ZNF761: variants seen among roughly 807,000 people sequenced by gnomAD.
The protein encoded by ZNF761 is zinc finger protein 761.
Under a neutral mutation model 59.9 loss-of-function variants are expected in ZNF761, and 43 were observed. That is an observed-to-expected ratio of 0.72 (90% CI 0.56 to 0.92). ZNF761 has a LOEUF of 0.92. ZNF761 is among the 40% of genes least tolerant of loss of function. ZNF761 has a pLI of 0.00. For missense variants in ZNF761, 850 were observed against 906.1 expected (o/e 0.94, Z 0.79); for synonymous variants, 294 against 304.8 (o/e 0.96, Z 0.37).
chr19:53,435,709 G>A (rs931069789), intron 1 of ZNF761, among the ~76,000 whole-genome samples: 9 of 151,996 alleles, frequency 5.9e-5, no homozygotes, highest in African/African-American at 2.2e-4. Flanking sequence ...TGTACAGTGG[G>A]GACACATTTC....
chr19:53,456,968 C>T lies in ZNF761; in HGVS notation c.*220C>T. ...TCAAACCGTGAAAGACAGGAGAATT[C>T]ATACTGGAGAGAAACCATAAAAATG... On this transcript the variant is annotated 3_prime_UTR_variant, in exon 5 of 5. Coordinates refer to ENST00000684525, the MANE Select transcript of ZNF761 (RefSeq NM_001289951.2). 1.4e-6 allele frequency: 1 copy of T among 739,080 alleles called. No individual in the cohort carries two copies. Among genetic ancestry groups the T allele is most frequent in the Non-Finnish European group, 2.3e-6 (1 of 431,236 alleles). The allele number at this position is 739,080 out of a possible 1,614,324, so 45.8% of individuals were successfully genotyped here. A position where few individuals can be genotyped will look rare whatever the true frequency, so the allele number is the denominator to read the frequency against.
At chr19:53,439,811 G>C (rs879766068) in intron 1 of ZNF761, among the ~76,000 whole-genome samples, 1 of 152,118 alleles carries the variant, frequency 6.6e-6, no homozygotes, top group Non-Finnish European at 1.5e-5. Context: ...TTATAGAGCC[G>C]TTCTAAATGC....
rs558021920 is a variant in ZNF761 at position 53,446,048 on chromosome 19, T to A, written c.-184-179T>A. Among the ~76,000 whole-genome samples the A allele has an allele frequency of 2.0e-5, 3 of 152,274 alleles. No individual in the cohort carries two copies. The East Asian group carries it at 5.8e-4, about 29-fold the overall frequency. ...TTGCTGTCCCTGCTCTTACCCTATG[T>A]CCCTAAATGATCACGGCCCTGTGCC... On this transcript the variant is annotated intron_variant, in intron 1 of 4. Coordinates refer to ENST00000684525, the MANE Select transcript of ZNF761 (RefSeq NM_001289951.2).
In ZNF761 at chr19:53,449,545, T is replaced by A; in HGVS notation, c.49T>A (p.Phe17Ile). ...LLTFRDVAIE[F>I]SQEEWKCLDP... is the part of the protein sequence containing the mutation. ...GACATTCAGGGATGTGGCCATAGAA[T>A]TCTCTCAGGAGGAGTGGAAATGCCT... The change falls in exon 4 of 5, where the codon TTC becomes ATC. Residue 17 changes from phenylalanine (F) to isoleucine (I), a missense_variant. Transcript: ENST00000684525. The A allele has an allele frequency of 6.2e-7, 1 of 1,613,766 alleles. No homozygotes were observed. Among genetic ancestry groups the A allele is most frequent in the Non-Finnish European group, 8.5e-7 (1 of 1,179,918 alleles).
Position 53,454,729 on chromosome 19 carries a change from G to T in ZNF761, c.222G>T (p.Leu74Phe). 1 of 1,614,088 alleles carries T rather than the reference G, an allele frequency of 6.2e-7. No individual in the cohort carries two copies. Residue 74 changes from leucine (L) to phenylalanine (F), a missense_variant, in exon 5 of 5, where the codon TTG (leucine) becomes TTT (phenylalanine). Leu to Phe is a conservative substitution (Grantham distance 22). Transcript: ENST00000684525. Reference sequence around the variant, plus strand: ...GAGAAGTGTTCCATGCAGGGACATTGCAAATACATGAAAGTCATCACAATG... The same window carrying T: ...GAGAAGTGTTCCATGCAGGGACATTTCAAATACATGAAAGTCATCACAATG... The part of the protein sequence containing the change: ...GNREVFHAGT[L>F]QIHESHHNGD...
chr19:53,452,155 T>A (rs2147140579), intron 4 of ZNF761, among the ~76,000 whole-genome samples: 1 of 152,150 alleles, frequency 6.6e-6, no homozygotes, highest in East Asian at 1.9e-4. Flanking sequence ...TTGAGACCAG[T>A]CTGGCCAACA....
chr19:53,448,158 C>G (rs1331732779), intron 3 of ZNF761, among the ~76,000 whole-genome samples: 4 of 151,996 alleles, frequency 2.6e-5, no homozygotes, highest in Non-Finnish European at 5.9e-5. Flanking sequence ...TGCGTCACCA[C>G]GCCCAGCTAA....
intron 1 of ZNF761, among the ~76,000 whole-genome samples, chr19:53,440,777 A>G (rs2086090968): frequency 6.6e-6 from 1 of 152,136 alleles, no homozygotes; most frequent in Non-Finnish European, 1.5e-5. Context: ...CTGGGCTCAA[A>G]CCATCCTCCT....
Position 53,454,659 on chromosome 19 carries a change from C to G in ZNF761, c.152C>G (p.Ser51Cys), listed in dbSNP as rs2086247802. ...YRNLVSLDIS[S>C]KCTMKEFLST... ...TGTTTATGTTTTGTAGATATCTCTTCCAAATGCACGATGAAGGAGTTCTTG... is the reference window on the plus strand; with the variant it reads ...TGTTTATGTTTTGTAGATATCTCTTGCAAATGCACGATGAAGGAGTTCTTG... Residue 51 changes from serine (S) to cysteine (C), a missense_variant, in exon 5 of 5, where the codon TCC becomes TGC. Ser to Cys is a moderately radical substitution (Grantham distance 112). Coordinates refer to ENST00000684525, the MANE Select transcript of ZNF761 (RefSeq NM_001289951.2). The G allele has an allele frequency of 6.3e-7, 1 of 1,592,444 alleles. No homozygotes were observed. Among genetic ancestry groups the G allele is most frequent in the East Asian group, 2.2e-5 (1 of 44,596 alleles).
chr19:53,447,431 C>A (rs1461183714), intron 3 of ZNF761, 148 bp downstream of exon 3: 3 of 1,216,220 alleles, frequency 2.5e-6, no homozygotes, highest in African/African-American at 1.5e-5. Context: ...CCTCTTATCT[C>A]GCTTAGATTC....
chr19:53,433,384 T>G (rs79021764), intron 1 of ZNF761, among the ~76,000 whole-genome samples: 1 of 144,474 alleles, frequency 6.9e-6, no homozygotes, highest in Non-Finnish European at 1.5e-5. Flanking sequence ...ACATTTGTCC[T>G]TTTTTTTTTT....
intron 1 of ZNF761, among the ~76,000 whole-genome samples, chr19:53,433,085 A>T (rs904093761): frequency 3.4e-5 from 5 of 148,072 alleles, no homozygotes; most frequent in Non-Finnish European, 7.4e-5. Flanking sequence ...CGGGGAGAGC[A>T]AAGGAGGCGC....
chr19:53,441,306 A>G (rs1302167963), intron 1 of ZNF761, among the ~76,000 whole-genome samples: 3 of 152,300 alleles, frequency 2.0e-5, no homozygotes, highest in Non-Finnish European at 4.4e-5. Flanking sequence ...ACAAAAAATA[A>G]AAAACAAAAG....
chr19:53,435,220 C>T (rs2086025996), intron 1 of ZNF761, among the ~76,000 whole-genome samples: 1 of 142,970 alleles, frequency 7.0e-6, no homozygotes, highest in South Asian at 2.4e-4. Context: ...TTATAACATA[C>T]ATAAGGTTGG....
At chr19:53,435,548 C>T (rs995331958) in intron 1 of ZNF761, among the ~76,000 whole-genome samples, 6 of 151,882 alleles carry the variant, frequency 4.0e-5, no homozygotes, top group Non-Finnish European at 8.8e-5. Context: ...GGTGATCCAC[C>T]CATCGTGGCC....
chr19:53,448,886 C>A (rs151072726), intron 3 of ZNF761, among the ~76,000 whole-genome samples: 1 of 151,886 alleles, frequency 6.6e-6, no homozygotes, highest in Non-Finnish European at 1.5e-5. Flanking sequence ...AATTCTCCTG[C>A]ATCAGCCTCC....
At chr19:53,445,767 C>G (rs1472528298) in intron 1 of ZNF761, among the ~76,000 whole-genome samples, 1 of 151,848 alleles carries the variant, frequency 6.6e-6, no homozygotes, top group East Asian at 1.9e-4. Context: ...ATCTTCGAGG[C>G]CTTTCTCTGT....
At chr19:53,435,734 C>T (rs938547234) in intron 1 of ZNF761, among the ~76,000 whole-genome samples, 2 of 151,964 alleles carry the variant, frequency 1.3e-5, no homozygotes, top group African/African-American at 4.8e-5. Context: ...GTTGCTTCTT[C>T]TACCATGGTT....
intron 1 of ZNF761, among the ~76,000 whole-genome samples, chr19:53,436,571 T>C (rs2086044314): frequency 6.6e-6 from 1 of 152,244 alleles, no homozygotes; most frequent in African/African-American, 2.4e-5. Context: ...ATTTCTTCAG[T>C]AGCTGCTTGA....
Sources: allele counts gnomAD v4.1 joint callset (sites outside exome capture counted in the v4.1 genomes callset), GRCh38; gene constraint gnomAD v4.1.1; transcripts MANE v1.5; gene names NCBI Gene and HGNC (gene_info 2026-07-23, HGNC 2026-07-21).